Variants in GOLM1 observed in about 807,000 individuals in gnomAD.
GOLM1 encodes golgi membrane protein 1, also known as epididymis luminal protein 46.
A neutral mutation model predicts 50.5 loss-of-function variants in GOLM1; 31 were observed. The ratio of observed to expected loss-of-function variants is 0.61; its 90% CI spans 0.46 to 0.83. The LOEUF (loss-of-function observed/expected upper bound fraction) is 0.83. Among genes scored for constraint, GOLM1 ranks in the 40% least tolerant of loss-of-function variants. GOLM1 has a pLI of 0.00. For missense variants in GOLM1, 491 were observed against 501.3 expected (o/e 0.98, Z 0.20); for synonymous variants, 178 against 192.8 (o/e 0.92, Z 0.64).
At chr9:86,071,426 C>T (rs1340163840) in intron 3 of GOLM1, among the ~76,000 whole-genome samples, 2 of 151,974 alleles carry the variant, frequency 1.3e-5, no homozygotes, top group African/African-American at 4.8e-5. Flanking sequence ...TGCCTGTAAT[C>T]CCAGCACTTT....
intron 1 of GOLM1, among the ~76,000 whole-genome samples, chr9:86,092,966 T>C (rs764714455): frequency 6.0e-4 from 92 of 152,206 alleles, no homozygotes; most frequent in Non-Finnish European, 1.2e-3. Context: ...AATATGTTTG[T>C]CTCATACTTG....
intron 3 of GOLM1, among the ~76,000 whole-genome samples, chr9:86,076,860 A>C (rs1834633089): frequency 6.6e-6 from 1 of 150,956 alleles, no homozygotes; most frequent in African/African-American, 2.4e-5. Flanking sequence ...TCCATCTCAA[A>C]AAAAAAAAAA....
Position 86,027,697 on chromosome 9 carries a change from A to C in GOLM1, c.*120T>G, listed in dbSNP as rs765507118. The C allele has an allele frequency of 1.3e-4, 183 of 1,432,538 alleles. 1 individual carries two copies. The highest frequency in any genetic ancestry group is 3.4e-5 in the Non-Finnish European group (37 of 1,092,684). The allele number at this position is 1,432,538 out of a possible 1,614,324, so 88.7% of individuals were successfully genotyped here. A position where few individuals can be genotyped will look rare whatever the true frequency, so the allele number is the denominator to read the frequency against. On this transcript the variant is annotated 3_prime_UTR_variant, in exon 10 of 10. Coordinates refer to ENST00000388712, the MANE Select transcript of GOLM1 (RefSeq NM_016548.4). ...AAAGTGCATACTAAAATTTCACAAT[A>C]ATCATCTTCAGATGTACATTTTATT...
At chr9:86,046,680 A>G in intron 4 of GOLM1, 108 bp from the exon 5 acceptor site, 1 of 713,576 alleles carries the variant, frequency 1.4e-6, no homozygotes, top group Non-Finnish European at 2.6e-6. Flanking sequence ...AAGGGCAAGG[A>G]CAGATTGGGA....
chr9:86,082,712 G>A (rs11794454), intron 1 of GOLM1, among the ~76,000 whole-genome samples: 64,423 of 152,096 alleles, frequency 0.42, 15,733 homozygotes, highest in Non-Finnish European at 0.56. Flanking sequence ...AGTGCTGGGA[G>A]TACAGGCGTG....
intron 8 of GOLM1, among the ~76,000 whole-genome samples, chr9:86,033,851 C>A (rs1444431827): frequency 1.3e-5 from 2 of 152,126 alleles, no homozygotes; most frequent in Non-Finnish European, 2.9e-5. Flanking sequence ...TTACTCTATT[C>A]TTCCCTGGAG....
chr9:86,093,588 T>C (rs2118906796), intron 1 of GOLM1, among the ~76,000 whole-genome samples: 1 of 149,016 alleles, frequency 6.7e-6, no homozygotes, highest in African/African-American at 2.5e-5. Flanking sequence ...AAAAAATCAC[T>C]TGATAAATCA....
At chr9:86,060,629 C>CCCA (rs1475903476) in intron 3 of GOLM1, among the ~76,000 whole-genome samples, 11 of 151,914 alleles carry the variant, frequency 7.2e-5, no homozygotes, top group Non-Finnish European at 1.6e-4. Context: ...CGCCTGTAAT[C>CCCA]CCAGCACTTT....
At chr9:86,061,100 G>C (rs1045934072) in intron 3 of GOLM1, among the ~76,000 whole-genome samples, 1 of 151,998 alleles carries the variant, frequency 6.6e-6, no homozygotes, top group African/African-American at 2.4e-5. Context: ...AATCGCTGAA[G>C]CTTGGCACTG....
Position 86,079,207 on chromosome 9 carries a change from C to G in GOLM1, c.114G>C (p.Arg38=), listed in dbSNP as rs1834714010. 5.6e-6 allele frequency: 9 copies of G among 1,595,810 alleles called. No individual in the cohort carries two copies. The highest frequency in any genetic ancestry group is 7.7e-6 in the Non-Finnish European group (9 of 1,171,512). Residue 38 remains arginine (R), a synonymous_variant, in exon 2 of 10, where the codon CGG becomes CGC. Transcript: ENST00000388712. ...LGFNYWIASS[R]SVDLQTRIME... is the part of the protein sequence containing the mutation. ...AACAAAACACCTGGAGGTCCACGCT[C>G]CGGGAGCTCGCAATCCAGTAGTTGA...
At chr9:86,094,667 C>T (rs555880532) in intron 1 of GOLM1, among the ~76,000 whole-genome samples, 34 of 152,212 alleles carry the variant, frequency 2.2e-4, no homozygotes, top group African/African-American at 7.5e-4. Flanking sequence ...CGATGGCTCA[C>T]GTCTATAATC....
chr9:86,066,904 T>C (rs1834323884), intron 3 of GOLM1, among the ~76,000 whole-genome samples: 1 of 152,006 alleles, frequency 6.6e-6, no homozygotes, highest in Non-Finnish European at 1.5e-5. Flanking sequence ...GGACCCAGGA[T>C]CTTTGGAAGT....
intron 4 of GOLM1, among the ~76,000 whole-genome samples, chr9:86,049,228 A>G (rs1452181219): frequency 1.3e-5 from 2 of 152,034 alleles, no homozygotes; most frequent in African/African-American, 2.4e-5. Context: ...CCAATGGTCT[A>G]TATCTCTGTT....
In GOLM1 at chr9:86,027,439, G is replaced by C. The variant is rs779953998; in HGVS notation, c.*378C>G. On this transcript the variant is annotated 3_prime_UTR_variant, in exon 10 of 10. Transcript: ENST00000388712. ...AGGACGACGGAACCCAGAGTTCTCT[G>C]TCTCTCCTTCACAGCAGATGGACTC... The C allele has an allele frequency of 2.9e-6, 3 of 1,023,022 alleles. No homozygotes were observed. Among genetic ancestry groups the C allele is most frequent in the East Asian group, 1.0e-4 (1 of 9,846 alleles). The allele number at this position is 1,023,022 out of a possible 1,614,324, so 63.4% of individuals were successfully genotyped here. A position where few individuals can be genotyped will look rare whatever the true frequency, so the allele number is the denominator to read the frequency against.
chr9:86,036,657 C>T (rs1035682385), intron 6 of GOLM1, 150 bp from the exon 7 acceptor site: 5 of 730,498 alleles, frequency 6.8e-6, no homozygotes, highest in East Asian at 2.7e-5. Flanking sequence ...ACTCTGGTCA[C>T]GCCCTGGTCA....
In GOLM1 at chr9:86,085,576, C is replaced by G. The variant is rs747079641; in HGVS notation, c.-21-6235G>C. Among the ~76,000 whole-genome samples, 20 of 151,334 alleles carry G rather than the reference C, an allele frequency of 1.3e-4. 1 individual carries two copies. The highest frequency in any genetic ancestry group is 2.2e-4 in the Non-Finnish European group (15 of 67,934). On this transcript the variant is annotated intron_variant, in intron 1 of 9. Coordinates refer to ENST00000388712, the MANE Select transcript of GOLM1 (RefSeq NM_016548.4). ...ACCTGTGCCATGATGGTTTGCTGCA[C>G]CCATCAACCCCTCACCTACATTTAG...
chr9:86,054,941 C>T (rs565365394), intron 3 of GOLM1, among the ~76,000 whole-genome samples: 2 of 152,164 alleles, frequency 1.3e-5, no homozygotes, highest in African/African-American at 2.4e-5. Context: ...GACATGCTGC[C>T]CATAACGTGG....
chr9:86,099,252 G>C (rs530458694), intron 1 of GOLM1, among the ~76,000 whole-genome samples, 159 bp downstream of exon 1: 3 of 151,880 alleles, frequency 2.0e-5, no homozygotes, highest in Admixed American at 2.0e-4. Flanking sequence ...AGCCAGCCCC[G>C]AGCGCAGCCA....
At chr9:86,092,607 C>T (rs117272183) in intron 1 of GOLM1, among the ~76,000 whole-genome samples, 113 of 152,308 alleles carry the variant, frequency 7.4e-4, no homozygotes, top group Middle Eastern at 3.4e-3. Context: ...CTTAGGAGAG[C>T]CCTGGGCTCC....
Sources: allele counts gnomAD v4.1 joint callset (sites outside exome capture counted in the v4.1 genomes callset), GRCh38; gene constraint gnomAD v4.1.1; transcripts MANE v1.5; gene names NCBI Gene and HGNC (gene_info 2026-07-23, HGNC 2026-07-21).